The following GREB1 variants were observed in gnomAD, a reference collection of about 807,000 sequenced individuals.
GREB1 encodes the protein protein GREB1.
Under a neutral mutation model 200.7 loss-of-function variants are expected in GREB1, and 106 were observed. The observed-to-expected ratio is 0.53, with a 90% CI of 0.45 to 0.62. GREB1 has a LOEUF of 0.62. Ranked by LOEUF, GREB1 falls within the 20% of genes least tolerant of loss-of-function variation. GREB1 has a pLI of 0.00. For synonymous variants in GREB1, 1,132 were observed against 1,092.4 expected (o/e 1.04, Z -0.72); for missense variants, 2,243 against 2,556.8 (o/e 0.88, Z 2.65).
intron 1 of GREB1, among the ~76,000 whole-genome samples, chr2:11,517,659 AT>A (rs1232241625): frequency 4.0e-5 from 6 of 150,356 alleles, no homozygotes; most frequent in Admixed American, 1.3e-4. Context: ...CATTTTTTAA[AT>A]TTTTTTTTTG....
intron 17 of GREB1, 59 bp downstream of exon 17, chr2:11,602,601 G>A: frequency 6.7e-7 from 1 of 1,499,972 alleles, no homozygotes; most frequent in Non-Finnish European, 9.3e-7. Context: ...GCAAGTTGAG[G>A]TGCGTTTAGC....
chr2:11,514,279 A>G (rs1316622349), intron 1 of GREB1, among the ~76,000 whole-genome samples: 1 of 152,230 alleles, frequency 6.6e-6, no homozygotes, highest in Non-Finnish European at 1.5e-5. Context: ...CTCTGTACGT[A>G]TTACCATGTT....
chr2:11,640,194 C>T lies in GREB1; in HGVS notation c.5687-97C>T, dbSNP rs1364744491. ...ATGCCGCTTCTGCCCTTCCCAACAGCGCCCTGTCTTGTCATTGCAAGTAGA... is the reference window on the plus strand; with the variant it reads ...ATGCCGCTTCTGCCCTTCCCAACAGTGCCCTGTCTTGTCATTGCAAGTAGA... On this transcript the variant is annotated intron_variant, in intron 32 of 32. Coordinates refer to ENST00000381486, the MANE Select transcript of GREB1 (RefSeq NM_014668.4). This position sits in a 1 kb window ranked among gnomAD's most constrained non-coding sequence, Gnocchi z 4.6. The T allele has an allele frequency of 8.4e-6, 10 of 1,195,022 alleles. No homozygotes were observed. Among genetic ancestry groups the T allele is most frequent in the Non-Finnish European group, 1.2e-5 (10 of 853,934 alleles). 74.0% of individuals were successfully genotyped at this position (1,195,022 alleles called of 1,614,324 possible).
chr2:11,567,089 C>T (rs1356078065), intron 4 of GREB1, among the ~76,000 whole-genome samples: 2 of 152,140 alleles, frequency 1.3e-5, no homozygotes, highest in Non-Finnish European at 1.5e-5. Context: ...GTTTATCACT[C>T]ATCTCTCAAT....
chr2:11,488,357 G>A (rs528352291), intron 1 of GREB1, among the ~76,000 whole-genome samples: 4 of 152,276 alleles, frequency 2.6e-5, no homozygotes, highest in Admixed American at 6.5e-5. Flanking sequence ...TGGAAAGTGC[G>A]CATTTACTTG....
chr2:11,540,061 T>G (rs1438695197), intron 1 of GREB1: 1 of 152,330 alleles, frequency 6.6e-6, no homozygotes, highest in African/African-American at 2.4e-5. Flanking sequence ...GCTTAGCCTC[T>G]TGGCTGGTTG....
chr2:11,598,643 T>C (rs759369743), intron 14 of GREB1, 37 bp from the exon 15 acceptor site: 8 of 1,595,958 alleles, frequency 5.0e-6, no homozygotes, highest in African/African-American at 1.3e-5. Flanking sequence ...CCAGTGCGCA[T>C]GTTTGCAGTT....
rs142037892 is a variant in GREB1, at chr2:11,562,455, G to C, written c.158-8G>C. 27,667 of 1,610,850 alleles carry C rather than the reference G, an allele frequency of 0.017. 307 individuals carry two copies. The highest frequency in any genetic ancestry group is 0.043 in the Middle Eastern group (259 of 6,042). On this transcript the variant is annotated splice_region_variant and splice_polypyrimidine_tract_variant and intron_variant, in intron 2 of 32. Transcript: ENST00000381486. ...TGCCTTGCTCATCACTCTTCTTCCC[G>C]CATCTAGGTGGTAGCCGAGTGGACA...
chr2:11,494,650 C>T (rs1324245426), intron 1 of GREB1, among the ~76,000 whole-genome samples: 1 of 152,150 alleles, frequency 6.6e-6, no homozygotes, highest in African/African-American at 2.4e-5. Context: ...AGTGGTTAAG[C>T]TAATGGGTGT....
chr2:11,542,052 T>G (rs1171621186), intron 1 of GREB1, among the ~76,000 whole-genome samples: 2 of 151,648 alleles, frequency 1.3e-5, no homozygotes, highest in Non-Finnish European at 2.9e-5. Context: ...TATTTTGCAT[T>G]ACACTGCTGA....
Position 11,638,810 on chromosome 2 carries a change from GT to G in GREB1, c.5686+2del. 1.2e-6 allele frequency: 2 copies of G among 1,613,940 alleles called. No homozygotes were observed. The highest frequency in any genetic ancestry group is 1.7e-6 in the Non-Finnish European group (2 of 1,179,946). Reference sequence around the variant, plus strand: ...TTGAAAAAGTTTCATTTTCTGAAAGGTAACTTTTGTACTCTTAACTCTGCAC... The same window carrying G: ...TTGAAAAAGTTTCATTTTCTGAAAGGAACTTTTGTACTCTTAACTCTGCAC... On this transcript the variant is annotated splice_donor_variant, in intron 32 of 32. Transcript: ENST00000381486. LOFTEE classifies it high-confidence loss of function.
At chr2:11,574,192 G>T (rs1235187129) in intron 4 of GREB1, among the ~76,000 whole-genome samples, 2 of 152,188 alleles carry the variant, frequency 1.3e-5, no homozygotes, top group East Asian at 3.9e-4. Context: ...CCCTCTCGAT[G>T]TTAACCGGCT....
chr2:11,588,871 A>C lies in GREB1; in HGVS notation c.1285A>C (p.Ile429Leu), dbSNP rs766953921. 1 of 1,614,142 alleles carries C rather than the reference A, an allele frequency of 6.2e-7. No individual in the cohort carries two copies. Among genetic ancestry groups the C allele is most frequent in the Non-Finnish European group, 8.5e-7 (1 of 1,180,002 alleles). ...RAYEQYGASAIQPISEEMQLL... is the reference protein window; with the variant it reads ...RAYEQYGASALQPISEEMQLL... ...ATACGAGCAGTACGGCGCCTCTGCC[A>C]TCCAGCCCATCTCCGAGGAGATGCA... is the stretch of plus-strand genomic sequence containing the variant. Residue 429 changes from isoleucine to leucine, a missense_variant, in exon 10 of 33, where the codon ATC becomes CTC. Physicochemically the swap from Ile to Leu is conservative, Grantham distance 5. Around this residue, in one of 3 missense-constraint regions of GREB1, gnomAD observed 1,178 missense variants for 1,387.4 expected, o/e 0.85. Coordinates refer to ENST00000381486, the MANE Select transcript of GREB1 (RefSeq NM_014668.4).
intron 21 of GREB1, among the ~76,000 whole-genome samples, chr2:11,616,980 C>T (rs1414546694): frequency 6.6e-6 from 1 of 152,222 alleles, no homozygotes; most frequent in East Asian, 1.9e-4. Flanking sequence ...CCCTGCCCCT[C>T]ACTGTGGCTG....
chr2:11,627,697 G>A (rs1276170123), intron 25 of GREB1, among the ~76,000 whole-genome samples: 3 of 152,176 alleles, frequency 2.0e-5, no homozygotes, highest in Non-Finnish European at 4.4e-5. Context: ...AATGGATAAG[G>A]CTCCTGACCC....
intron 1 of GREB1, among the ~76,000 whole-genome samples, chr2:11,547,636 TAAAATGA>T (rs546852276): frequency 6.6e-6 from 1 of 152,338 alleles, no homozygotes; most frequent in African/African-American, 2.4e-5. Context: ...TTATAAGCTT[TAAAATGA>T]AAAATGAAAA....
chr2:11,549,768 T>C (rs1022535588), intron 1 of GREB1, among the ~76,000 whole-genome samples: 3 of 152,256 alleles, frequency 2.0e-5, no homozygotes, highest in South Asian at 2.1e-4. Flanking sequence ...TCTGAAGATA[T>C]TAACTGTGGC....
chr2:11,584,290 T>C lies in GREB1; in HGVS notation c.902-871T>C, dbSNP rs1232796677. 5.3e-5 allele frequency among the ~76,000 whole-genome samples: 8 copies of C among 152,312 alleles called. No individual in the cohort carries two copies. The South Asian group carries it at 1.2e-3, about 24-fold the overall frequency. The stretch of plus-strand genomic sequence containing the variant: ...TGATATTTTGAACCATTCACGAAGA[T>C]AGTTTGAGTCATGAGCATGCTGTTG... On this transcript the variant is annotated intron_variant, in intron 7 of 32. Transcript: ENST00000381486.
At chr2:11,636,801 C>T (rs1274202244) in intron 30 of GREB1, among the ~76,000 whole-genome samples, 2 of 143,970 alleles carry the variant, frequency 1.4e-5, no homozygotes, top group African/African-American at 2.5e-5. Flanking sequence ...TGGGCAGGGG[C>T]AGAGGCAGGG....
Sources: gnomAD v4.1 joint callset for allele counts (sites outside exome capture counted in the v4.1 genomes callset) on GRCh38, gnomAD v4.1.1 for gene constraint, gnomAD v4.1.1 regional missense constraint, Gnocchi (gnomAD v3.1) non-coding constraint, MANE v1.5 for transcripts, NCBI Gene and HGNC (gene_info 2026-07-23, HGNC 2026-07-21) for gene names.